Variants in THSD7B observed in about 807,000 individuals in gnomAD.
The protein encoded by THSD7B is thrombospondin type 1 domain containing 7B.
THSD7B carries 138 observed loss-of-function variants against 213.6 expected under a neutral mutation model. The observed-to-expected ratio is 0.65, with a 90% CI of 0.56 to 0.74. THSD7B has a LOEUF of 0.74. THSD7B is among the 30% of genes least tolerant of loss of function. The pLI, the probability that THSD7B is intolerant of heterozygous loss-of-function variation, is 0.00. For missense variants in THSD7B, 1,931 were observed against 1,991.5 expected (o/e 0.97, Z 0.58); for synonymous variants, 742 against 687.0 (o/e 1.08, Z -1.25).
intron 20 of THSD7B, among the ~76,000 whole-genome samples, chr2:137,621,468 A>G (rs1182815519): frequency 6.6e-6 from 1 of 152,208 alleles, no homozygotes; most frequent in East Asian, 1.9e-4. Context: ...CCAGAATCCC[A>G]GTGGATAAGT....
chr2:137,089,266 G>GTATGTATATATACATATATA (rs1687901484), intron 3 of THSD7B, among the ~76,000 whole-genome samples: 10 of 130,004 alleles, frequency 7.7e-5, no homozygotes, highest in Non-Finnish European at 1.3e-4. Context: ...GTGTGTGTGT[G>GTATGTATATATACATATATA]TGTGTGTGTA....
chr2:137,461,399 T>C (rs1250260445), intron 15 of THSD7B, among the ~76,000 whole-genome samples: 1 of 152,066 alleles, frequency 6.6e-6, no homozygotes, highest in Non-Finnish European at 1.5e-5. Context: ...ATAAAAGCCA[T>C]GGGTGCAATA....
intron 1 of THSD7B, among the ~76,000 whole-genome samples, chr2:136,778,312 A>G (rs751285585): frequency 3.9e-5 from 6 of 152,302 alleles, no homozygotes; most frequent in Non-Finnish European, 7.4e-5. Context: ...GTTTCCTTCA[A>G]TAGATCATCA....
At chr2:137,296,165 A>G (rs886652971) in intron 12 of THSD7B, among the ~76,000 whole-genome samples, 2 of 152,118 alleles carry the variant, frequency 1.3e-5, no homozygotes, top group Non-Finnish European at 2.9e-5. Context: ...TGCATGTTTT[A>G]TATTGACCCA....
At chr2:137,485,414 G>C (rs1324788673) in intron 15 of THSD7B, among the ~76,000 whole-genome samples, 7 of 152,034 alleles carry the variant, frequency 4.6e-5, no homozygotes, top group Non-Finnish European at 1.0e-4. Context: ...ATGCTGTTTT[G>C]GTTACTGTAG....
intron 15 of THSD7B, among the ~76,000 whole-genome samples, chr2:137,526,358 G>T (rs1392997910): frequency 6.6e-6 from 1 of 152,120 alleles, no homozygotes; most frequent in Non-Finnish European, 1.5e-5. Flanking sequence ...TGAGTTTTCA[G>T]TTTATGGAGA....
chr2:137,572,271 T>C (rs917256909), intron 16 of THSD7B, 135 bp from the exon 17 acceptor site: 1 of 1,070,616 alleles, frequency 9.3e-7, no homozygotes, highest in Admixed American at 2.6e-5. Flanking sequence ...GGAGGAAAGT[T>C]TTGTTCCCCT....
chr2:137,396,791 G>C (rs1440002188), intron 12 of THSD7B, among the ~76,000 whole-genome samples: 1 of 151,332 alleles, frequency 6.6e-6, no homozygotes, highest in East Asian at 1.9e-4. Context: ...ATTAATGTGT[G>C]GGAGTCTAAG....
chr2:137,440,386 A>T (rs901515768), intron 14 of THSD7B, among the ~76,000 whole-genome samples: 9 of 151,876 alleles, frequency 5.9e-5, no homozygotes, highest in Non-Finnish European at 1.3e-4. Context: ...CCTTCATGTG[A>T]TGAGTAGGGT....
At chr2:137,346,713 T>C (rs930712698) in intron 12 of THSD7B, among the ~76,000 whole-genome samples, 2 of 151,760 alleles carry the variant, frequency 1.3e-5, no homozygotes, top group Non-Finnish European at 2.9e-5. Context: ...ATAGTGTGGG[T>C]TTGCTGTAAA....
chr2:137,309,827 G>C (rs1287831231), intron 12 of THSD7B, among the ~76,000 whole-genome samples: 1 of 152,150 alleles, frequency 6.6e-6, no homozygotes, highest in Non-Finnish European at 1.5e-5. Context: ...CCCTACAAAG[G>C]ACATGAACTC....
chr2:136,816,215 ATGAAGAAAGTGTTTGTTT>A (rs915139542), intron 1 of THSD7B, among the ~76,000 whole-genome samples: 6 of 152,212 alleles, frequency 3.9e-5, no homozygotes, highest in African/African-American at 1.2e-4. Flanking sequence ...TTATTGGAAC[ATGAAGAAAGTGTTTGTTT>A]GCCCCATTCT....
chr2:137,653,723 T>A (rs1683179896), intron 21 of THSD7B, among the ~76,000 whole-genome samples: 1 of 151,720 alleles, frequency 6.6e-6, no homozygotes, highest in African/African-American at 2.4e-5. Flanking sequence ...CTCTAATGAA[T>A]TTTTCAGTTC....
intron 1 of THSD7B, among the ~76,000 whole-genome samples, chr2:136,795,101 C>T (rs760043504): frequency 8.6e-5 from 13 of 151,876 alleles, no homozygotes; most frequent in African/African-American, 1.9e-4. Flanking sequence ...ATTGCTGATG[C>T]GACAAACTGT....
At chr2:137,368,838 A>G (rs1025174294) in intron 12 of THSD7B, among the ~76,000 whole-genome samples, 2 of 152,026 alleles carry the variant, frequency 1.3e-5, no homozygotes, top group African/African-American at 2.4e-5. Flanking sequence ...TGCATTTGCA[A>G]TCATGACCAC....
intron 2 of THSD7B, among the ~76,000 whole-genome samples, chr2:136,890,462 C>T (rs71348724): frequency 0.35 from 276 of 788 alleles, 113 homozygotes; most frequent in Non-Finnish European, 0.48. Flanking sequence ...TTCTTCTTCT[C>T]CTTTCTTCTC....
At chr2:137,459,566 G>T (rs1306205962) in intron 15 of THSD7B, among the ~76,000 whole-genome samples, 1 of 152,076 alleles carries the variant, frequency 6.6e-6, no homozygotes, top group African/African-American at 2.4e-5. Context: ...CTGGAAGGCT[G>T]AGGCAGGAGA....
intron 9 of THSD7B, among the ~76,000 whole-genome samples, chr2:137,234,077 C>T (rs942535657): frequency 6.6e-6 from 1 of 152,068 alleles, no homozygotes; most frequent in African/African-American, 2.4e-5. Context: ...ATACTCTAAG[C>T]ATATGAGCTG....
intron 12 of THSD7B, among the ~76,000 whole-genome samples, chr2:137,302,419 G>A (rs182912972): frequency 1.3e-5 from 2 of 152,198 alleles, no homozygotes; most frequent in Non-Finnish European, 2.9e-5. Flanking sequence ...GTTGCTGAAA[G>A]GACAAGTAAG....
Sources: allele counts gnomAD v4.1 joint callset (sites outside exome capture counted in the v4.1 genomes callset), GRCh38; gene constraint gnomAD v4.1.1; transcripts MANE v1.5; gene names NCBI Gene and HGNC (gene_info 2026-07-23, HGNC 2026-07-21).